Variants in GLIS3 observed in about 807,000 individuals in gnomAD.
GLIS3 encodes the protein zinc finger protein GLIS3.
GLIS3 carries 53 observed loss-of-function variants against 78.6 expected under a neutral mutation model. The observed-to-expected ratio is 0.67, with a 90% CI of 0.54 to 0.85. The LOEUF (loss-of-function observed/expected upper bound fraction) is 0.85. Among genes scored for constraint, GLIS3 ranks in the 40% least tolerant of loss-of-function variants. GLIS3 has a pLI of 0.00. For missense variants in GLIS3, 1,703 were observed against 1,231.1 expected, an observed-to-expected ratio of 1.38 and a Z score of -5.74; for synonymous variants, 684 against 509.9, an observed-to-expected ratio of 1.34 and a Z score of -4.60.
At chr9:3,956,949 T>C (rs1480387301) in intron 4 of GLIS3, among the ~76,000 whole-genome samples, 1 of 152,182 alleles carries the variant, frequency 6.6e-6, no homozygotes, top group Non-Finnish European at 1.5e-5. Flanking sequence ...TGAGCCCCCA[T>C]ATCTTCCCTG....
rs1228531798 is a variant in GLIS3, at chr9:3,906,637, G to A, written c.1984-7802C>T. On this transcript the variant is annotated intron_variant, in intron 6 of 10. Coordinates refer to ENST00000381971, the MANE Select transcript of GLIS3 (RefSeq NM_001042413.2). ...TGGGTTCACAGAGCACGATGGGGCCGGACCACGAATACCAACTCCTTGCTG... is the reference window on the plus strand; with the variant it reads ...TGGGTTCACAGAGCACGATGGGGCCAGACCACGAATACCAACTCCTTGCTG... 3.9e-5 allele frequency among the ~76,000 whole-genome samples: 6 copies of A among 152,094 alleles called. No homozygotes were observed. In the East Asian group the frequency reaches 1.2e-3, roughly 29 times the overall value.
intron 2 of GLIS3, among the ~76,000 whole-genome samples, chr9:4,273,112 G>C (rs537261868): frequency 1.3e-4 from 20 of 152,286 alleles, no homozygotes; most frequent in African/African-American, 4.8e-4. Flanking sequence ...ATACTGCCTA[G>C]ACTGGAGAGT....
chr9:4,474,863 A>AT, the GLIS3 span, among the ~76,000 whole-genome samples: 24 of 151,800 alleles, frequency 1.6e-4, no homozygotes, highest in East Asian at 4.3e-3. Context: ...CACCCAGCTG[A>AT]TTTTTTTAAA....
chr9:4,092,301 A>G (rs907020448), intron 4 of GLIS3, among the ~76,000 whole-genome samples: 3 of 151,614 alleles, frequency 2.0e-5, no homozygotes, highest in Non-Finnish European at 2.9e-5. Context: ...ACAGGCGCCC[A>G]CCACCATGCC....
At chr9:4,027,296 CAAG>C (rs1563962328) in intron 4 of GLIS3, among the ~76,000 whole-genome samples, 1 of 152,192 alleles carries the variant, frequency 6.6e-6, no homozygotes, top group Non-Finnish European at 1.5e-5. Flanking sequence ...CTTTAAGGCA[CAAG>C]AAGACAATGT....
At chr9:4,361,419 G>A in the GLIS3 span, among the ~76,000 whole-genome samples, 8 of 152,188 alleles carry the variant, frequency 5.3e-5, no homozygotes, top group African/African-American at 1.7e-4. Context: ...CCCTAAAGAT[G>A]CTGTTCCCTT....
intron 8 of GLIS3, among the ~76,000 whole-genome samples, chr9:3,865,389 A>ATCCTTT (rs1820506112): frequency 6.6e-6 from 1 of 152,220 alleles, no homozygotes; most frequent in South Asian, 2.1e-4. Context: ...AGTAGAGGCA[A>ATCCTTT]TCCTTTGACC....
In GLIS3 at chr9:3,829,318, C is replaced by G; in HGVS notation, c.2648G>C (p.Gly883Ala). The G allele has an allele frequency of 6.2e-7, 1 of 1,613,842 alleles. No individual in the cohort carries two copies. Among genetic ancestry groups the G allele is most frequent in the Non-Finnish European group, 8.5e-7 (1 of 1,179,850 alleles). Residue 883 changes from glycine (G) to alanine (A), a missense_variant, in exon 10 of 11, where the codon GGC (glycine) becomes GCC (alanine). Gly to Ala is a moderately conservative substitution (Grantham distance 60). Coordinates refer to ENST00000381971, the MANE Select transcript of GLIS3 (RefSeq NM_001042413.2). The part of the protein sequence containing the change: ...VFHRAFSTHS[G>A]ITVYDLPSSS... ...ACAGACAACCAACACACCTGTAATG[C>G]CCGAGTGAGTCGAGAAGGCTCTGTG...
intron 2 of GLIS3, among the ~76,000 whole-genome samples, chr9:4,214,327 G>A (rs947151575): frequency 6.6e-6 from 1 of 152,238 alleles, no homozygotes; most frequent in African/African-American, 2.4e-5. Context: ...GGCCCCAGCA[G>A]GCGGAGAATT....
chr9:4,392,038 G>A, the GLIS3 span, among the ~76,000 whole-genome samples: 2 of 152,084 alleles, frequency 1.3e-5, no homozygotes, highest in Non-Finnish European at 2.9e-5. Flanking sequence ...AAGAAAATGT[G>A]GTACATTATA....
intron 4 of GLIS3, among the ~76,000 whole-genome samples, chr9:4,052,199 C>G (rs1449869958): frequency 6.6e-6 from 1 of 152,128 alleles, no homozygotes; most frequent in Non-Finnish European, 1.5e-5. Flanking sequence ...AACTTTCTCC[C>G]CATCCTCCTG....
At chr9:4,308,118 C>T (rs1817275734) in intron 4 of GLIS3, among the ~76,000 whole-genome samples, 1 of 152,144 alleles carries the variant, frequency 6.6e-6, no homozygotes, top group Non-Finnish European at 1.5e-5. Flanking sequence ...TGCATCCCAT[C>T]CTTCCCTTAG....
chr9:4,051,733 C>A (rs1825759889), intron 4 of GLIS3, among the ~76,000 whole-genome samples: 1 of 152,162 alleles, frequency 6.6e-6, no homozygotes, highest in South Asian at 2.1e-4. Context: ...CTATTCTAGG[C>A]TGCAGTATTT....
chr9:4,375,310 C>T, the GLIS3 span, among the ~76,000 whole-genome samples: 2 of 152,116 alleles, frequency 1.3e-5, no homozygotes, highest in Non-Finnish European at 2.9e-5. Flanking sequence ...TCTCGTGGAA[C>T]AAACAGAACT....
chr9:4,058,239 GT>G (rs964819816), intron 4 of GLIS3, among the ~76,000 whole-genome samples: 12 of 150,902 alleles, frequency 8.0e-5, no homozygotes, highest in Non-Finnish European at 1.3e-4. Context: ...ATTTTTCCTT[GT>G]TTTTTTTTGG....
At chr9:4,141,448 G>C (rs1404751212) in intron 2 of GLIS3, among the ~76,000 whole-genome samples, 1 of 152,180 alleles carries the variant, frequency 6.6e-6, no homozygotes, top group Non-Finnish European at 1.5e-5. Context: ...TTGGTCAAAG[G>C]GCATCTCAGC....
At chr9:4,003,044 G>A (rs1339220207) in intron 4 of GLIS3, among the ~76,000 whole-genome samples, 1 of 152,182 alleles carries the variant, frequency 6.6e-6, no homozygotes, top group Non-Finnish European at 1.5e-5. Context: ...GGTGTTACCT[G>A]AAGCTGCAAG....
intron 8 of GLIS3, among the ~76,000 whole-genome samples, chr9:3,872,122 C>T (rs1821008521): frequency 6.6e-6 from 1 of 152,178 alleles, no homozygotes; most frequent in Non-Finnish European, 1.5e-5. Flanking sequence ...CAAGAGTCAC[C>T]TTTGCTCCAG....
the GLIS3 span, among the ~76,000 whole-genome samples, chr9:4,379,338 G>C: frequency 6.6e-6 from 1 of 152,208 alleles, no homozygotes; most frequent in Non-Finnish European, 1.5e-5. Flanking sequence ...AAAACACCAT[G>C]CTACTGTTAT....
Sources: allele counts gnomAD v4.1 joint callset (sites outside exome capture counted in the v4.1 genomes callset), GRCh38; gene constraint gnomAD v4.1.1; transcripts MANE v1.5; gene names NCBI Gene and HGNC (gene_info 2026-07-23, HGNC 2026-07-21).